MBOAT7: variants seen among roughly 807,000 people sequenced by gnomAD.
The protein encoded by MBOAT7 is membrane-bound acylglycerophosphatidylinositol O-acyltransferase MBOAT7.
MBOAT7 carries 40 observed loss-of-function variants against 47.4 expected under a neutral mutation model. That is an observed-to-expected ratio of 0.84 (90% CI 0.66 to 1.10). The LOEUF (loss-of-function observed/expected upper bound fraction) is 1.10, where lower values mean the gene tolerates loss of function less well. Ranked by LOEUF, MBOAT7 falls within the 50% of genes least tolerant of loss-of-function variation. MBOAT7 has a pLI of 0.00. For missense variants in MBOAT7, 680 were observed against 655.6 expected, an observed-to-expected ratio of 1.04 and a Z score of -0.41; for synonymous variants, 361 against 292.0, an observed-to-expected ratio of 1.24 and a Z score of -2.41.
intron 7 of MBOAT7, among the ~76,000 whole-genome samples, chr19:54,178,019 T>C (rs2076160893): frequency 6.9e-6 from 1 of 145,860 alleles, no homozygotes; most frequent in African/African-American, 2.5e-5. Flanking sequence ...CAAGCCATTC[T>C]CCTGCCTCAG....
chr19:54,178,898 G>C lies in MBOAT7; in HGVS notation c.898C>G (p.Arg300Gly). The C allele has an allele frequency of 1.2e-6, 2 of 1,613,492 alleles. No homozygotes were observed. The highest frequency in any genetic ancestry group is 1.7e-6 in the Non-Finnish European group (2 of 1,180,004). Residue 300 changes from arginine to glycine, a missense_variant, in exon 7 of 8, where the codon CGC becomes GGC. By Grantham distance (125) the Arg-to-Gly change is moderately radical. Coordinates refer to ENST00000245615, the MANE Select transcript of MBOAT7 (RefSeq NM_024298.5). ...TCTGTGCTGTAGCAGTCGATGTTGC[G>C]GATGGTCTCATAGTCATACTCCAAG... ...ASLEYDYETIRNIDCYSTDFC... is the reference protein window; with the variant it reads ...ASLEYDYETIGNIDCYSTDFC...
chr19:54,183,361 C>T lies in MBOAT7; in HGVS notation c.493+160G>A, dbSNP rs192012915. Among the ~76,000 whole-genome samples, 18 of 152,300 alleles carry T rather than the reference C, an allele frequency of 1.2e-4. No homozygotes were observed. In the South Asian group the frequency reaches 2.9e-3, roughly 25 times the overall value. On this transcript the variant is annotated intron_variant, in intron 5 of 7. Coordinates refer to ENST00000245615, the MANE Select transcript of MBOAT7 (RefSeq NM_024298.5). ...CTACCCCAAAGCAGCTCTGGTCCAGCGGAGGTGTGAGACGTAGACCCAGAC... is the reference window on the plus strand; with the variant it reads ...CTACCCCAAAGCAGCTCTGGTCCAGTGGAGGTGTGAGACGTAGACCCAGAC...
intron 4 of MBOAT7, among the ~76,000 whole-genome samples, chr19:54,186,557 C>T (rs2076432417): frequency 6.6e-6 from 1 of 152,296 alleles, no homozygotes; most frequent in Admixed American, 6.5e-5. Context: ...ATCCTGCGGC[C>T]TGAAATGCTC....
rs1568768721 is a variant in MBOAT7, at chr19:54,174,097, TC to T, written c.1365del (p.Lys456ArgfsTer33). The part of the protein sequence containing the change: ...LALGGGSPSR[R>X]KAASQPTSLA... ...AGGCTGGTGGGCTGGGATGCTGCCTTCCGCCGGCTGGGGCTGCCCCCACCTA... is the reference window on the plus strand; with the variant it reads ...AGGCTGGTGGGCTGGGATGCTGCCTTCGCCGGCTGGGGCTGCCCCCACCTA... On this transcript the variant is annotated frameshift_variant, in exon 8 of 8. Transcript: ENST00000245615. LOFTEE classifies it high-confidence loss of function. The T allele has an allele frequency of 1.9e-6, 3 of 1,607,258 alleles. No homozygotes were observed. The highest frequency in any genetic ancestry group is 2.5e-6 in the Non-Finnish European group (3 of 1,177,516).
chr19:54,186,169 A>G (rs1456131374), intron 4 of MBOAT7, among the ~76,000 whole-genome samples: 1 of 151,680 alleles, frequency 6.6e-6, no homozygotes, highest in African/African-American at 2.4e-5. Context: ...ATGTGCCACC[A>G]CGCCCAGCTA....
At chr19:54,183,784 C>A (rs755272413) in intron 4 of MBOAT7, 104 bp from the exon 5 acceptor site, 13 of 1,202,066 alleles carry the variant, frequency 1.1e-5, no homozygotes, top group Non-Finnish European at 1.4e-5. Flanking sequence ...GTGCTGGGTG[C>A]CCGCAGCTCT....
chr19:54,183,650 G>A lies in MBOAT7; in HGVS notation c.364C>T (p.Leu122=). 2 of 1,592,526 alleles carry A rather than the reference G, an allele frequency of 1.3e-6. No individual in the cohort carries two copies. The highest frequency in any genetic ancestry group is 2.3e-5 in the South Asian group (2 of 87,852). ...ATTTCCTTCCTCTGGGCCAGATGCAGGTCCTGGACTTCACTGGCCAGGCTC... is the reference window on the plus strand; with the variant it reads ...ATTTCCTTCCTCTGGGCCAGATGCAAGTCCTGGACTTCACTGGCCAGGCTC... ...LVSLASEVQD[L]HLAQRKEMAS... The change falls in exon 5 of 8, where the codon CTG becomes TTG. Residue 122 remains leucine (L), a synonymous_variant. Transcript: ENST00000245615.
chr19:54,187,822 C>T (rs2076472225), intron 3 of MBOAT7, among the ~76,000 whole-genome samples: 1 of 152,066 alleles, frequency 6.6e-6, no homozygotes, highest in Admixed American at 6.6e-5. Context: ...TCGAGATCAG[C>T]CTGACCAACA....
chr19:54,188,013 CT>C (rs921632093), intron 3 of MBOAT7, among the ~76,000 whole-genome samples: 1 of 100,120 alleles, frequency 1.0e-5, no homozygotes, highest in African/African-American at 5.5e-5. Context: ...GAAACTCCAT[CT>C]CAGAAAGAAA....
chr19:54,188,344 G>A lies in MBOAT7; in HGVS notation c.79C>T (p.Pro27Ser). ...PIGFLFKKAG[P>S]GLKRWGAAAV... is the part of the protein sequence containing the mutation. The stretch of plus-strand genomic sequence containing the variant: ...GCTGCTCCCCATCTCTTCAGCCCAG[G>A]ACCTGCAGGGGGAAGGGACAGCATA... The change falls in exon 3 of 8, where the codon CCT becomes TCT. Residue 27 changes from proline (P) to serine (S), a missense_variant and splice_region_variant. Physicochemically the swap from Pro to Ser is moderately conservative, Grantham distance 74. Transcript: ENST00000245615. The A allele has an allele frequency of 1.9e-6, 3 of 1,613,692 alleles. No individual in the cohort carries two copies. Among genetic ancestry groups the A allele is most frequent in the Non-Finnish European group, 2.5e-6 (3 of 1,179,800 alleles).
At chr19:54,177,180 C>CTAATACTAATAA (rs1555833539) in intron 7 of MBOAT7, among the ~76,000 whole-genome samples, 1 of 151,250 alleles carries the variant, frequency 6.6e-6, no homozygotes, top group Non-Finnish European at 1.5e-5. Context: ...AATACTAATA[C>CTAATACTAATAA]TAATAATAAT....
rs1222153921 is a variant in MBOAT7 at position 54,180,779 on chromosome 19, G to T, written c.848C>A (p.Pro283His). The T allele has an allele frequency of 2.6e-6, 4 of 1,540,538 alleles. No homozygotes were observed. Among genetic ancestry groups the T allele is most frequent in the African/African-American group, 2.7e-5 (2 of 73,292 alleles). The part of the protein sequence containing the change: ...GGGPTLQCPP[P>H]SSPEKAASLE... Reference sequence around the variant, plus strand: ...CTCCCTCGCGCCGCCTGACCTGCTGGGGGGTGGGCATTGGAGGGTGGGGCC... The same window carrying T: ...CTCCCTCGCGCCGCCTGACCTGCTGTGGGGTGGGCATTGGAGGGTGGGGCC... The change falls in exon 6 of 8, where the codon CCC (proline) becomes CAC (histidine). Residue 283 changes from proline to histidine, a missense_variant. Transcript: ENST00000245615. This position sits in a 1 kb window ranked among gnomAD's most constrained non-coding sequence, Gnocchi z 5.2.
At chr19:54,185,862 A>T (rs1157236538) in intron 4 of MBOAT7, among the ~76,000 whole-genome samples, 1 of 150,742 alleles carries the variant, frequency 6.6e-6, no homozygotes, top group Non-Finnish European at 1.5e-5. Flanking sequence ...CACCCGGCTC[A>T]TTTTTGTATT....
chr19:54,188,188 T>TCCCTCTCCTCC, intron 3 of MBOAT7, 29 bp downstream of exon 3: 1 of 1,569,780 alleles, frequency 6.4e-7, no homozygotes, highest in Non-Finnish European at 8.6e-7. Flanking sequence ...TCCCCTCCTC[T>TCCCTCTCCTCC]CCCTCTCCTC....
intron 7 of MBOAT7, among the ~76,000 whole-genome samples, chr19:54,176,100 C>G (rs566738315): frequency 6.6e-6 from 1 of 152,062 alleles, no homozygotes; most frequent in Non-Finnish European, 1.5e-5. Flanking sequence ...TGTGATCCAC[C>G]CACCTTGGCC....
Position 54,174,983 on chromosome 19 carries a change from T to G in MBOAT7, c.1032-552A>C, listed in dbSNP as rs920446747. Among the ~76,000 whole-genome samples the G allele has an allele frequency of 8.2e-4, 124 of 151,000 alleles. 1 individual carries two copies. The highest frequency in any genetic ancestry group is 2.9e-3 in the African/African-American group (121 of 41,160). On this transcript the variant is annotated intron_variant, in intron 7 of 7. Transcript: ENST00000245615. ...AATTCTTCAGCCCAGTGGTTTTTTT[T>G]TTTTTTTTTTGAGACAGAGTCTCGC...
At chr19:54,175,943 T>C (rs2076094815) in intron 7 of MBOAT7, among the ~76,000 whole-genome samples, 1 of 152,210 alleles carries the variant, frequency 6.6e-6, no homozygotes, top group Non-Finnish European at 1.5e-5. Flanking sequence ...CAGGATGCTC[T>C]CAATCTCTTG....
chr19:54,174,975 GTT>G lies in MBOAT7; in HGVS notation c.1032-546_1032-545del, dbSNP rs34483717. Among the ~76,000 whole-genome samples, 1,153 of 127,842 alleles carry G rather than the reference GTT, an allele frequency of 9.0e-3. 14 individuals are homozygous for G. The highest frequency in any genetic ancestry group is 0.027 in the African/African-American group (917 of 33,778). The allele number at this position is 127,842 out of a possible 152,430, so 83.9% of individuals were successfully genotyped here. Reference sequence around the variant, plus strand: ...CAAGTCTTAATTCTTCAGCCCAGTGGTTTTTTTTTTTTTTTTTTGAGACAGAG... The same window carrying G: ...CAAGTCTTAATTCTTCAGCCCAGTGGTTTTTTTTTTTTTTTTGAGACAGAG... On this transcript the variant is annotated intron_variant, in intron 7 of 7. Coordinates refer to ENST00000245615, the MANE Select transcript of MBOAT7 (RefSeq NM_024298.5).
At chr19:54,177,022 G>C (rs1211844749) in intron 7 of MBOAT7, among the ~76,000 whole-genome samples, 1 of 152,062 alleles carries the variant, frequency 6.6e-6, no homozygotes, top group Non-Finnish European at 1.5e-5. Flanking sequence ...AAGAGTTCGA[G>C]ACCAGCCTGG....
Sources: gnomAD v4.1 joint callset for allele counts (sites outside exome capture counted in the v4.1 genomes callset) on GRCh38, gnomAD v4.1.1 for gene constraint, Gnocchi (gnomAD v3.1) non-coding constraint, MANE v1.5 for transcripts, NCBI Gene and HGNC (gene_info 2026-07-23, HGNC 2026-07-21) for gene names.